EDA: variants seen among roughly 807,000 people sequenced by gnomAD.
EDA encodes the protein ectodysplasin-A.
EDA carries 2 observed loss-of-function variants against 23.6 expected under a neutral mutation model. That is an observed-to-expected ratio of 0.08 (90% CI 0.03 to 0.27). EDA has a LOEUF of 0.27. Ranked by LOEUF, EDA falls within the 10% of genes least tolerant of loss-of-function variation. EDA has a pLI of 1.00. For missense variants in EDA, 229 were observed against 324.2 expected, an observed-to-expected ratio of 0.71 and a Z score of 2.26; for synonymous variants, 131 against 132.0, an observed-to-expected ratio of 0.99 and a Z score of 0.05.
chrX:69,738,053 GTGTT>G (rs984308267), intron 1 of EDA, among the ~76,000 whole-genome samples: 6 of 111,387 alleles, frequency 5.4e-5, no homozygotes, highest in African/African-American at 2.0e-4. Context: ...GGTTTTCACT[GTGTT>G]TGTCTTGTTT....
intron 7 of EDA, among the ~76,000 whole-genome samples, chrX:70,034,055 C>T (rs1020421661): frequency 8.9e-6 from 1 of 111,795 alleles, no homozygotes; most frequent in South Asian, 3.8e-4. Context: ...TCTATTCTTG[C>T]CTCCTTCCTG....
chrX:69,616,887 C>A, intron 1 of EDA, 183 bp downstream of exon 1: 1 of 577,282 alleles, frequency 1.7e-6, no homozygotes, highest in Non-Finnish European at 2.7e-6. Context: ...CCTGGCCCAG[C>A]TAATCCAGAC....
At chrX:69,978,318 TAAAAAAAAAAA>T (rs144187734) in intron 2 of EDA, among the ~76,000 whole-genome samples, 14 of 20,423 alleles carry the variant, frequency 6.9e-4, no homozygotes, top group African/African-American at 1.3e-3. Flanking sequence ...ACTCCATCTC[TAAAAAAAAAAA>T]AAAAAAAAAA....
intron 1 of EDA, among the ~76,000 whole-genome samples, chrX:69,803,839 ATTC>A (rs2015752451): frequency 1.8e-5 from 2 of 109,177 alleles, no homozygotes; most frequent in Admixed American, 9.9e-5. Context: ...AGCCTCTAGT[ATTC>A]TTCTTTTCTA....
At chrX:69,616,943 C>T (rs1931986723) in intron 1 of EDA, 2 of 444,600 alleles carry the variant, frequency 4.5e-6, no homozygotes, top group Non-Finnish European at 7.9e-6. Context: ...GCGCCCGCGG[C>T]CCCTGGCTGC....
intron 1 of EDA, among the ~76,000 whole-genome samples, chrX:69,838,056 C>T (rs765734436): frequency 1.2e-4 from 14 of 112,300 alleles, no homozygotes; most frequent in African/African-American, 4.2e-4. Flanking sequence ...GAGGATCTGT[C>T]ACTTTTGGCA....
intron 3 of EDA, among the ~76,000 whole-genome samples, chrX:70,024,073 G>A (rs2020077155): frequency 8.9e-6 from 1 of 112,652 alleles, no homozygotes; most frequent in South Asian, 3.7e-4. Context: ...AACCAATTAT[G>A]AAACTAGTTA....
At chrX:69,788,967 G>C (rs778206111) in intron 1 of EDA, among the ~76,000 whole-genome samples, 35 of 112,154 alleles carry the variant, frequency 3.1e-4, no homozygotes, top group African/African-American at 1.0e-3. Flanking sequence ...AGGACCCTCC[G>C]AGCCAGGTGC....
chrX:69,781,490 A>G (rs2014942297), intron 1 of EDA, among the ~76,000 whole-genome samples: 1 of 111,979 alleles, frequency 8.9e-6, no homozygotes, highest in African/African-American at 3.2e-5. Flanking sequence ...CAGTACAACT[A>G]AAGAGTTGAA....
At chrX:69,775,800 T>A (rs1190219426) in intron 1 of EDA, among the ~76,000 whole-genome samples, 1 of 112,217 alleles carries the variant, frequency 8.9e-6, no homozygotes, top group Admixed American at 9.5e-5. Context: ...ATCTATTATA[T>A]TTCTGTATTT....
At chrX:69,982,719 A>G (rs989004388) in intron 2 of EDA, among the ~76,000 whole-genome samples, 4 of 103,557 alleles carry the variant, frequency 3.9e-5, no homozygotes, top group Non-Finnish European at 7.9e-5. Flanking sequence ...GGTGCTGAAA[A>G]AAATGTATAT....
At chrX:69,717,476 A>C (rs935256717) in intron 1 of EDA, among the ~76,000 whole-genome samples, 7 of 105,554 alleles carry the variant, frequency 6.6e-5, no homozygotes, top group Non-Finnish European at 1.2e-4. Context: ...GTACTTGGTG[A>C]TATGGTTCGG....
chrX:69,957,430 G>C (rs1206609888), intron 2 of EDA: 2 of 237,137 alleles, frequency 8.4e-6, no homozygotes, highest in Non-Finnish European at 1.5e-5. Flanking sequence ...AGTGAGCTGA[G>C]ACTGTGCCAC....
chrX:69,632,776 A>G (rs1196344656), intron 1 of EDA, among the ~76,000 whole-genome samples: 2 of 111,997 alleles, frequency 1.8e-5, no homozygotes, highest in Admixed American at 9.5e-5. Context: ...TCCTGTCTCC[A>G]TAGAGGAAAT....
At chrX:69,961,776 G>A (rs763297403) in intron 2 of EDA, among the ~76,000 whole-genome samples, 93 of 112,131 alleles carry the variant, frequency 8.3e-4, no homozygotes, top group African/African-American at 2.7e-3. Context: ...AAGTTTATTC[G>A]TACTAATTAT....
chrX:69,731,386 C>T (rs1167159303), intron 1 of EDA, among the ~76,000 whole-genome samples: 1 of 111,460 alleles, frequency 9.0e-6, no homozygotes, highest in African/African-American at 3.3e-5. Context: ...CTATTCTTTT[C>T]CAATTTTATT....
chrX:69,854,233 G>A (rs182315457), intron 1 of EDA, among the ~76,000 whole-genome samples: 4 of 110,296 alleles, frequency 3.6e-5, no homozygotes, highest in Admixed American at 9.7e-5. Flanking sequence ...TCACTCTGTC[G>A]CCCAGGCTGG....
At chrX:69,982,598 A>G (rs1204467344) in intron 2 of EDA, among the ~76,000 whole-genome samples, 1 of 111,204 alleles carries the variant, frequency 9.0e-6, no homozygotes, top group Non-Finnish European at 1.9e-5. Flanking sequence ...TTTTGAGGAT[A>G]TTGTGTGCTC....
intron 1 of EDA, among the ~76,000 whole-genome samples, chrX:69,688,722 G>C (rs1214990180): frequency 9.0e-6 from 1 of 111,465 alleles, no homozygotes; most frequent in South Asian, 3.8e-4. Context: ...ATGTCACTCA[G>C]AGTGGCTTAG....
Sources: gnomAD v4.1 joint callset for allele counts (sites outside exome capture counted in the v4.1 genomes callset) on GRCh38, gnomAD v4.1.1 for gene constraint, MANE v1.5 for transcripts, NCBI Gene and HGNC (gene_info 2026-07-23, HGNC 2026-07-21) for gene names.